The following FARS2 variants were observed in gnomAD, a reference collection of about 807,000 sequenced individuals.
The protein encoded by FARS2 is phenylalanyl-tRNA synthetase 2, mitochondrial.
In FARS2, 40 loss-of-function variants were observed where a neutral mutation model predicts 46.4. The ratio of observed to expected loss-of-function variants is 0.86; its 90% CI spans 0.67 to 1.12. FARS2 has a LOEUF of 1.12. FARS2 is among the 50% of genes most tolerant of loss of function. FARS2 has a pLI of 0.00. For missense variants in FARS2, 513 were observed against 567.9 expected (o/e 0.90, Z 0.98); for synonymous variants, 234 against 214.9 (o/e 1.09, Z -0.78).
At chr6:5,699,292 A>G (rs1471547309) in intron 6 of FARS2, among the ~76,000 whole-genome samples, 1 of 152,180 alleles carries the variant, frequency 6.6e-6, no homozygotes, top group Non-Finnish European at 1.5e-5. Flanking sequence ...ACTTCTGCTA[A>G]GGGATGCTTG....
At chr6:5,593,189 C>T (rs764024643) in intron 5 of FARS2, among the ~76,000 whole-genome samples, 4 of 152,104 alleles carry the variant, frequency 2.6e-5, no homozygotes, top group Non-Finnish European at 4.4e-5. Context: ...TCCTGCCGAC[C>T]GTGAGTGAGT....
At chr6:5,685,657 G>A (rs978113943) in intron 6 of FARS2, among the ~76,000 whole-genome samples, 4 of 152,170 alleles carry the variant, frequency 2.6e-5, no homozygotes, top group Non-Finnish European at 4.4e-5. Context: ...TAGATAAAGC[G>A]TACGAGGTTT....
At chr6:5,645,038 A>G (rs1777010015) in intron 6 of FARS2, among the ~76,000 whole-genome samples, 1 of 152,212 alleles carries the variant, frequency 6.6e-6, no homozygotes, top group African/African-American at 2.4e-5. Context: ...TACCTTATTA[A>G]ACATCTTTGT....
At chr6:5,438,622 A>G (rs762274211) in intron 4 of FARS2, among the ~76,000 whole-genome samples, 7 of 152,130 alleles carry the variant, frequency 4.6e-5, no homozygotes, top group Non-Finnish European at 7.4e-5. Flanking sequence ...TCATAGAGCA[A>G]AGTGACAGTG....
intron 2 of FARS2, among the ~76,000 whole-genome samples, chr6:5,397,686 T>C (rs1318223198): frequency 6.6e-6 from 1 of 152,208 alleles, no homozygotes; most frequent in African/African-American, 2.4e-5. Context: ...TTGAAAAATG[T>C]GTTTGCTTGA....
chr6:5,443,822 GTC>G (rs1243976195), intron 4 of FARS2, among the ~76,000 whole-genome samples: 2 of 152,210 alleles, frequency 1.3e-5, no homozygotes, highest in African/African-American at 4.8e-5. Flanking sequence ...ATGCTTAAGA[GTC>G]TCTCTTCCAA....
At chr6:5,707,669 G>C (rs1296339566) in intron 6 of FARS2, among the ~76,000 whole-genome samples, 2 of 152,232 alleles carry the variant, frequency 1.3e-5, no homozygotes, top group African/African-American at 4.8e-5. Context: ...AGGAGGGGAA[G>C]GGCAAATCTG....
intron 6 of FARS2, among the ~76,000 whole-genome samples, chr6:5,665,904 C>T (rs75781982): frequency 0.014 from 2,131 of 152,216 alleles, 43 homozygotes; most frequent in African/African-American, 0.045. Context: ...ACAATTCCAC[C>T]CTTCCTTGAG....
the FARS2 span, among the ~76,000 whole-genome samples, chr6:5,255,800 A>G: frequency 6.6e-6 from 1 of 152,088 alleles, no homozygotes; most frequent in Non-Finnish European, 1.5e-5. Context: ...CTGGCCTCAG[A>G]TGCCTAGCAC....
chr6:5,321,359 G>T (rs1425672634), intron 1 of FARS2, among the ~76,000 whole-genome samples: 1 of 152,198 alleles, frequency 6.6e-6, no homozygotes, highest in Non-Finnish European at 1.5e-5. Flanking sequence ...TGTAGACGTA[G>T]CCTTTAAGGT....
At chr6:5,524,039 C>T (rs986911947) in intron 4 of FARS2, among the ~76,000 whole-genome samples, 2 of 152,300 alleles carry the variant, frequency 1.3e-5, no homozygotes, top group South Asian at 2.1e-4. Context: ...GATGAGAAGA[C>T]TGGTCTCACT....
chr6:5,471,437 C>T lies in FARS2; in HGVS notation c.904+40265C>T, dbSNP rs1582201921. On this transcript the variant is annotated intron_variant, in intron 4 of 6. Transcript: ENST00000274680. This position sits in a 1 kb window ranked among gnomAD's most constrained non-coding sequence, Gnocchi z 4.1. Reference sequence around the variant, plus strand: ...AATATCCCAACTAGCCCTTCATTTACGAAGAACCAAAGGGAAACTCCAGGA... The same window carrying T: ...AATATCCCAACTAGCCCTTCATTTATGAAGAACCAAAGGGAAACTCCAGGA... Among the ~76,000 whole-genome samples, 2 of 152,150 alleles carry T rather than the reference C, an allele frequency of 1.3e-5. No individual in the cohort carries two copies. The highest frequency in any genetic ancestry group is 4.8e-5 in the African/African-American group (2 of 41,428).
At chr6:5,398,182 C>G (rs765909952) in intron 2 of FARS2, among the ~76,000 whole-genome samples, 7 of 152,026 alleles carry the variant, frequency 4.6e-5, no homozygotes, top group South Asian at 2.1e-4. Context: ...ATATTTTGCC[C>G]TATTAACTTT....
intron 4 of FARS2, among the ~76,000 whole-genome samples, chr6:5,517,906 T>C (rs1768908487): frequency 6.6e-6 from 1 of 152,218 alleles, no homozygotes; most frequent in Non-Finnish European, 1.5e-5. Flanking sequence ...GTCCCCGCCT[T>C]GGCCTGGGCT....
At chr6:5,407,861 C>T (rs1761704182) in intron 3 of FARS2, among the ~76,000 whole-genome samples, 1 of 152,150 alleles carries the variant, frequency 6.6e-6, no homozygotes, top group Non-Finnish European at 1.5e-5. Flanking sequence ...ATCTGTTTAA[C>T]ACAAATGCAG....
chr6:5,325,635 A>G (rs1002803940), intron 1 of FARS2, among the ~76,000 whole-genome samples: 20 of 152,238 alleles, frequency 1.3e-4, no homozygotes, highest in Admixed American at 9.2e-4. Flanking sequence ...ACTTGCATCC[A>G]TTATCAAGCT....
intron 6 of FARS2, among the ~76,000 whole-genome samples, chr6:5,641,135 C>T (rs1291664073): frequency 1.3e-5 from 2 of 151,962 alleles, no homozygotes; most frequent in African/African-American, 4.8e-5. Context: ...TTCAGAACAC[C>T]CTTCACTTCC....
At chr6:5,426,365 C>A (rs376599472) in intron 3 of FARS2, among the ~76,000 whole-genome samples, 1 of 152,036 alleles carries the variant, frequency 6.6e-6, no homozygotes, top group African/African-American at 2.4e-5. Flanking sequence ...AGTAAATATT[C>A]TGACTTCTAA....
At chr6:5,308,733 C>T (rs905843171) in intron 1 of FARS2, among the ~76,000 whole-genome samples, 5 of 152,154 alleles carry the variant, frequency 3.3e-5, no homozygotes, top group Non-Finnish European at 5.9e-5. Context: ...TGGATCAAGC[C>T]GTGGTATATG....
Sources: gnomAD v4.1 joint callset for allele counts (sites outside exome capture counted in the v4.1 genomes callset) on GRCh38, gnomAD v4.1.1 for gene constraint, Gnocchi (gnomAD v3.1) non-coding constraint, MANE v1.5 for transcripts, NCBI Gene and HGNC (gene_info 2026-07-23, HGNC 2026-07-21) for gene names.